The following AHCYL2 variants were observed in gnomAD, a reference collection of about 807,000 sequenced individuals.
AHCYL2 encodes S-adenosylhomocysteine hydrolase-like protein 2.
A neutral mutation model predicts 81.4 loss-of-function variants in AHCYL2; 28 were observed. The ratio of observed to expected loss-of-function variants is 0.34; its 90% confidence interval spans 0.25 to 0.47. AHCYL2 has a LOEUF of 0.47. Among genes scored for constraint, AHCYL2 ranks in the 20% least tolerant of loss-of-function variants. The pLI, the probability that AHCYL2 is intolerant of heterozygous loss-of-function variation, is 1.00. For missense variants in AHCYL2, 551 were observed against 785.1 expected (o/e 0.70, Z 3.56); for synonymous variants, 272 against 290.2 (o/e 0.94, Z 0.64).
intron 1 of AHCYL2, chr7:129,375,753 C>G: frequency 6.7e-7 from 1 of 1,494,706 alleles, no homozygotes; most frequent in Non-Finnish European, 8.9e-7. Flanking sequence ...CCCCACTCCC[C>G]AGCCCAAAAA....
intron 1 of AHCYL2, among the ~76,000 whole-genome samples, chr7:129,322,997 G>A (rs1021872095): frequency 1.3e-5 from 2 of 151,836 alleles, no homozygotes; most frequent in East Asian, 3.9e-4. Context: ...TCTCCTGATC[G>A]GTCTGACTAA....
chr7:129,278,683 A>G (rs1400931411), intron 1 of AHCYL2, among the ~76,000 whole-genome samples: 2 of 151,102 alleles, frequency 1.3e-5, no homozygotes, highest in Non-Finnish European at 2.9e-5. Flanking sequence ...TAGAAGCTTT[A>G]TAATTCTGGC....
chr7:129,366,835 C>T lies in AHCYL2; in HGVS notation c.364-12803C>T, dbSNP rs1279418178. Among the ~76,000 whole-genome samples the T allele has an allele frequency of 3.3e-5, 5 of 151,790 alleles. No homozygotes were observed. In the East Asian group the frequency reaches 9.6e-4, roughly 29 times the overall value. On this transcript the variant is annotated intron_variant, in intron 1 of 16. Coordinates refer to ENST00000325006, the MANE Select transcript of AHCYL2 (RefSeq NM_015328.4). ...TTTGCCAAGATTGAGGATGTGCACTCATGACACAGCCTCAGGAGGTCCTGA... is the reference window on the plus strand; with the variant it reads ...TTTGCCAAGATTGAGGATGTGCACTTATGACACAGCCTCAGGAGGTCCTGA...
At chr7:129,291,124 C>G (rs1201204715) in intron 1 of AHCYL2, among the ~76,000 whole-genome samples, 1 of 152,056 alleles carries the variant, frequency 6.6e-6, no homozygotes, top group African/African-American at 2.4e-5. Flanking sequence ...CACCTTTCCT[C>G]CCCTCAGGTT....
intron 1 of AHCYL2, among the ~76,000 whole-genome samples, chr7:129,232,417 A>T (rs1321457218): frequency 6.6e-6 from 1 of 152,152 alleles, no homozygotes; most frequent in African/African-American, 2.4e-5. Context: ...CTGTGCCAAC[A>T]CCCGTGCTGC....
intron 1 of AHCYL2, among the ~76,000 whole-genome samples, chr7:129,237,035 G>A (rs911149342): frequency 1.8e-4 from 28 of 151,700 alleles, no homozygotes; most frequent in African/African-American, 6.8e-4. Context: ...AATTATTTGT[G>A]TATATGTTGC....
At chr7:129,375,661 A>C (rs1367816369) in intron 1 of AHCYL2, 2 of 1,379,396 alleles carry the variant, frequency 1.4e-6, no homozygotes, top group South Asian at 1.9e-5. Context: ...TTGAGCCACT[A>C]ACAGAAATGC....
At chr7:129,340,389 A>C (rs1213151429) in intron 1 of AHCYL2, among the ~76,000 whole-genome samples, 1 of 149,478 alleles carries the variant, frequency 6.7e-6, no homozygotes, top group Admixed American at 6.7e-5. Context: ...AACACGGTGA[A>C]ACCCCGTCTC....
intron 1 of AHCYL2, among the ~76,000 whole-genome samples, chr7:129,353,667 G>A (rs575981103): frequency 2.0e-5 from 3 of 147,822 alleles, no homozygotes; most frequent in Non-Finnish European, 4.5e-5. Flanking sequence ...ACGCCATCTA[G>A]TAGGCCACTG....
At chr7:129,244,437 G>C (rs12154376) in intron 1 of AHCYL2, among the ~76,000 whole-genome samples, 26,210 of 152,160 alleles carry the variant, frequency 0.17, 2,856 homozygotes, top group East Asian at 0.37. Context: ...AAATACCATA[G>C]ATAGGGAGGC....
intron 1 of AHCYL2, among the ~76,000 whole-genome samples, chr7:129,290,757 C>T (rs938035176): frequency 6.6e-6 from 1 of 151,530 alleles, no homozygotes; most frequent in Admixed American, 6.6e-5. Flanking sequence ...GGTGAAACCC[C>T]ATCTCTACTA....
At chr7:129,357,239 A>T (rs1189760048) in intron 1 of AHCYL2, among the ~76,000 whole-genome samples, 4 of 152,210 alleles carry the variant, frequency 2.6e-5, no homozygotes, top group African/African-American at 4.8e-5. Context: ...GTGAAATCCA[A>T]CTAAAGCCTG....
chr7:129,318,615 A>T (rs1412030317), intron 1 of AHCYL2, among the ~76,000 whole-genome samples: 1 of 152,222 alleles, frequency 6.6e-6, no homozygotes, highest in Admixed American at 6.5e-5. Flanking sequence ...ACTCGTCTCC[A>T]TACCTCACAT....
intron 1 of AHCYL2, among the ~76,000 whole-genome samples, chr7:129,370,573 C>T (rs1340455022): frequency 6.6e-6 from 1 of 152,134 alleles, no homozygotes. Flanking sequence ...TGGCGGGCGC[C>T]TATAGTCCCA....
chr7:129,305,361 G>C (rs963798793), intron 1 of AHCYL2, among the ~76,000 whole-genome samples: 2 of 152,162 alleles, frequency 1.3e-5, no homozygotes, highest in African/African-American at 4.8e-5. Flanking sequence ...TTGGGAGGCT[G>C]AGGCAGCAGA....
chr7:129,283,333 G>A, intron 1 of AHCYL2: 1 of 455,506 alleles, frequency 2.2e-6, no homozygotes, highest in Non-Finnish European at 4.4e-6. Flanking sequence ...GTCTCTCAGG[G>A]ATTGCTGTTC....
chr7:129,374,523 G>C (rs144042505), intron 1 of AHCYL2, among the ~76,000 whole-genome samples: 10 of 151,110 alleles, frequency 6.6e-5, no homozygotes, highest in Non-Finnish European at 1.0e-4. Flanking sequence ...AAAAAAATCT[G>C]CCGGCTGGGT....
At chr7:129,269,146 T>TC (rs561608396) in intron 1 of AHCYL2, among the ~76,000 whole-genome samples, 239 of 92,456 alleles carry the variant, frequency 2.6e-3, no homozygotes, top group African/African-American at 8.3e-3. Flanking sequence ...TTTTTTTTTT[T>TC]CACTTACTCT....
intron 1 of AHCYL2, among the ~76,000 whole-genome samples, chr7:129,229,241 A>C (rs552921604): frequency 6.6e-6 from 1 of 151,826 alleles, no homozygotes. Context: ...CTAATTTTCT[A>C]TTTTCAGTAG....
Sources: allele counts gnomAD v4.1 joint callset (sites outside exome capture counted in the v4.1 genomes callset), GRCh38; gene constraint gnomAD v4.1.1; transcripts MANE v1.5; gene names NCBI Gene and HGNC (gene_info 2026-07-23, HGNC 2026-07-21).